Variants in GLRB observed in about 807,000 individuals in gnomAD.
GLRB encodes glycine receptor subunit beta.
GLRB carries 33 observed loss-of-function variants against 54.2 expected under a neutral mutation model. That is an observed-to-expected ratio of 0.61 (90% CI 0.46 to 0.81). The LOEUF (loss-of-function observed/expected upper bound fraction) is 0.81, where lower values mean the gene tolerates loss of function less well. Ranked by LOEUF, GLRB falls within the 40% of genes least tolerant of loss-of-function variation. The pLI, the probability that GLRB is intolerant of heterozygous loss-of-function variation, is 0.00. For synonymous variants in GLRB, 209 were observed against 208.2 expected (o/e 1.00, Z -0.03); for missense variants, 572 against 584.6 (o/e 0.98, Z 0.22).
chr4:157,133,382 AT>A (rs1736286288), intron 4 of GLRB, among the ~76,000 whole-genome samples: 1 of 151,914 alleles, frequency 6.6e-6, no homozygotes, highest in Non-Finnish European at 1.5e-5. Context: ...TTAGACCCAG[AT>A]TTCTCTAACT....
intron 2 of GLRB, among the ~76,000 whole-genome samples, chr4:157,078,877 A>G (rs1268545771): frequency 2.0e-5 from 3 of 152,082 alleles, no homozygotes; most frequent in Admixed American, 2.0e-4. Context: ...GGTTCAAGCA[A>G]TTCTCCTGCC....
At chr4:157,086,109 G>A (rs1322228659) in intron 2 of GLRB, among the ~76,000 whole-genome samples, 1 of 152,084 alleles carries the variant, frequency 6.6e-6, no homozygotes, top group African/African-American at 2.4e-5. Flanking sequence ...TCGCGTTACA[G>A]GTATCAGCCA....
rs1312932259 is a variant in GLRB, at chr4:157,170,633, C to T, written c.1399C>T (p.Pro467Ser). Residue 467 changes from proline (P) to serine (S), a missense_variant, in exon 10 of 10, where the codon CCA (proline) becomes TCA (serine). By Grantham distance (74) the Pro-to-Ser change is moderately conservative. Transcript: ENST00000264428. Reference sequence around the variant, plus strand: ...GCCTCCCCCTGCGAAACCTGTTATTCCAACAGCAGCAAAGCGAATTGATCT... The same window carrying T: ...GCCTCCCCCTGCGAAACCTGTTATTTCAACAGCAGCAAAGCGAATTGATCT... ...KKPPPAKPVIPTAAKRIDLYA... is the reference protein window; with the variant it reads ...KKPPPAKPVISTAAKRIDLYA... The T allele has an allele frequency of 6.2e-7, 1 of 1,611,876 alleles. No homozygotes were observed. The highest frequency in any genetic ancestry group is 8.5e-7 in the Non-Finnish European group (1 of 1,178,392).
chr4:157,144,203 G>A (rs539454326), intron 8 of GLRB, among the ~76,000 whole-genome samples: 3 of 152,140 alleles, frequency 2.0e-5, no homozygotes, highest in East Asian at 3.9e-4. Context: ...CTATTTTTCT[G>A]TCATGAAATA....
intron 2 of GLRB, among the ~76,000 whole-genome samples, chr4:157,106,579 TTCTC>T (rs938894312): frequency 6.6e-6 from 1 of 151,818 alleles, no homozygotes; most frequent in African/African-American, 2.4e-5. Context: ...GGTGAATTCT[TTCTC>T]TCTCTCTCTT....
chr4:157,113,013 C>T (rs1422909674), intron 2 of GLRB, among the ~76,000 whole-genome samples: 2 of 151,850 alleles, frequency 1.3e-5, no homozygotes, highest in Non-Finnish European at 2.9e-5. Context: ...AAGTGCTTGG[C>T]CCAATATCAT....
At position 157,163,895 on chromosome 4, in the gene GLRB, G is replaced by T. The variant is rs1437675305; in HGVS notation, c.1198-6537G>T. ...GGATTTTTTATTGAACTTAGCAGGA[G>T]GAATAGGAAAGGTATGTCTACTCTA... On this transcript the variant is annotated intron_variant, in intron 9 of 9. Transcript: ENST00000264428. 2.7e-5 allele frequency among the ~76,000 whole-genome samples: 4 copies of T among 150,854 alleles called. No individual in the cohort carries two copies. The East Asian group carries it at 7.8e-4, about 29-fold the overall frequency.
intron 9 of GLRB, among the ~76,000 whole-genome samples, chr4:157,169,421 G>A (rs759595187): frequency 1.4e-4 from 21 of 152,074 alleles, no homozygotes; most frequent in Non-Finnish European, 2.8e-4. Context: ...GATTACTAGA[G>A]AGAGTTCAGC....
At chr4:157,092,104 T>A (rs1462366190) in intron 2 of GLRB, among the ~76,000 whole-genome samples, 1 of 152,218 alleles carries the variant, frequency 6.6e-6, no homozygotes, top group East Asian at 1.9e-4. Flanking sequence ...CCTCAGATAA[T>A]TCTTTTTGGG....
chr4:157,142,551 G>A (rs531260175), intron 7 of GLRB, among the ~76,000 whole-genome samples: 4 of 152,090 alleles, frequency 2.6e-5, no homozygotes, highest in Admixed American at 6.6e-5. Flanking sequence ...GTTTATTAAG[G>A]TCCTATTCTG....
chr4:157,113,914 G>A lies in GLRB; in HGVS notation c.123-6642G>A, dbSNP rs78221218. Among the ~76,000 whole-genome samples, 231 of 151,994 alleles carry A rather than the reference G, an allele frequency of 1.5e-3. 5 individuals are homozygous for A. In the East Asian group the frequency reaches 0.039, roughly 26 times the overall value. Reference sequence around the variant, plus strand: ...GTTTACAGTTTAATCTGTGAAAACAGAATGGAAAATAAATCCAGAAGCTGT... The same window carrying A: ...GTTTACAGTTTAATCTGTGAAAACAAAATGGAAAATAAATCCAGAAGCTGT... On this transcript the variant is annotated intron_variant, in intron 2 of 9. Transcript: ENST00000264428.
intron 8 of GLRB, among the ~76,000 whole-genome samples, chr4:157,149,930 G>A (rs1736955884): frequency 6.7e-6 from 1 of 150,248 alleles, no homozygotes; most frequent in Admixed American, 6.7e-5. Context: ...TACATTCCTA[G>A]TATATATGCT....
intron 2 of GLRB, among the ~76,000 whole-genome samples, chr4:157,106,652 C>A (rs1210064384): frequency 1.3e-5 from 2 of 151,934 alleles, no homozygotes; most frequent in Non-Finnish European, 2.9e-5. Flanking sequence ...GAACTTGAGG[C>A]TCCCTGGTAT....
intron 4 of GLRB, among the ~76,000 whole-genome samples, chr4:157,135,116 G>T (rs1579227762): frequency 6.6e-6 from 1 of 152,048 alleles, no homozygotes; most frequent in African/African-American, 2.4e-5. Context: ...AATTCATCCT[G>T]TGTATTTTGA....
intron 9 of GLRB, among the ~76,000 whole-genome samples, chr4:157,164,245 A>G (rs1053992600): frequency 1.3e-5 from 2 of 152,140 alleles, no homozygotes; most frequent in African/African-American, 4.8e-5. Flanking sequence ...ATGACGAAGA[A>G]CTGGTATTGA....
At chr4:157,165,829 A>T (rs558448483) in intron 9 of GLRB, among the ~76,000 whole-genome samples, 1 of 152,068 alleles carries the variant, frequency 6.6e-6, no homozygotes, top group African/African-American at 2.4e-5. Flanking sequence ...AATAGTACCT[A>T]TGCCTACAAT....
At chr4:157,121,792 CA>C (rs1192722385) in intron 3 of GLRB, among the ~76,000 whole-genome samples, 1 of 151,562 alleles carries the variant, frequency 6.6e-6, no homozygotes, top group Non-Finnish European at 1.5e-5. Flanking sequence ...AATTATTTTT[CA>C]AAAGGTCAGG....
intron 7 of GLRB, among the ~76,000 whole-genome samples, chr4:157,139,642 G>A (rs1736538436): frequency 6.6e-6 from 1 of 151,870 alleles, no homozygotes; most frequent in African/African-American, 2.4e-5. Flanking sequence ...TTTAGATACT[G>A]AATATAGTGT....
chr4:157,139,568 C>T (rs1220403528), intron 7 of GLRB, among the ~76,000 whole-genome samples: 1 of 152,008 alleles, frequency 6.6e-6, no homozygotes, highest in Non-Finnish European at 1.5e-5. Context: ...CTACTCAATA[C>T]TGTCATAATA....
Sources: allele counts gnomAD v4.1 joint callset (sites outside exome capture counted in the v4.1 genomes callset), GRCh38; gene constraint gnomAD v4.1.1; transcripts MANE v1.5; gene names NCBI Gene and HGNC (gene_info 2026-07-23, HGNC 2026-07-21).